The following ELAPOR1 variants were observed in gnomAD, a reference collection of about 807,000 sequenced individuals.
ELAPOR1 encodes endosome/lysosome-associated apoptosis and autophagy regulator 1.
ELAPOR1 carries 77 observed loss-of-function variants against 119.7 expected under a neutral mutation model. The ratio of observed to expected loss-of-function variants is 0.64; its 90% CI spans 0.54 to 0.78. The LOEUF is 0.78. Among genes scored for constraint, ELAPOR1 ranks in the 30% least tolerant of loss-of-function variants. The probability of loss-of-function intolerance (pLI) is 0.00; values close to 1 mark genes in which losing one functional copy is unlikely to be tolerated. For missense variants in ELAPOR1, 1,115 were observed against 1,270.4 expected, an observed-to-expected ratio of 0.88 and a Z score of 1.86; for synonymous variants, 481 against 487.2, an observed-to-expected ratio of 0.99 and a Z score of 0.17.
intron 1 of ELAPOR1, among the ~76,000 whole-genome samples, chr1:109,122,534 G>A (rs1429606591): frequency 3.3e-5 from 5 of 151,758 alleles, no homozygotes; most frequent in South Asian, 2.1e-4. Context: ...GGTGGCCCAC[G>A]CCTGTAGACC....
chr1:109,135,995 T>A (rs1195351832), intron 1 of ELAPOR1, among the ~76,000 whole-genome samples: 1 of 152,106 alleles, frequency 6.6e-6, no homozygotes, highest in Non-Finnish European at 1.5e-5. Context: ...CTGCTTTTCT[T>A]TTCTTTTTTT....
chr1:109,129,682 C>T (rs566049297), intron 1 of ELAPOR1, among the ~76,000 whole-genome samples: 99 of 152,276 alleles, frequency 6.5e-4, no homozygotes, highest in Non-Finnish European at 6.3e-4. Flanking sequence ...CCTCTGGAGA[C>T]GGGCTTCATA....
intron 1 of ELAPOR1, among the ~76,000 whole-genome samples, chr1:109,138,459 A>G (rs1649613565): frequency 1.3e-5 from 2 of 152,042 alleles, no homozygotes; most frequent in African/African-American, 4.8e-5. Context: ...TATGGCTCGG[A>G]GCGCTCATAT....
At chr1:109,132,964 T>A (rs1649240664) in intron 1 of ELAPOR1, among the ~76,000 whole-genome samples, 4 of 152,208 alleles carry the variant, frequency 2.6e-5, no homozygotes, top group African/African-American at 9.6e-5. Flanking sequence ...GTATGGTGGT[T>A]CATGCCTGTA....
chr1:109,150,574 C>T (rs1265217890), intron 1 of ELAPOR1, among the ~76,000 whole-genome samples: 1 of 152,176 alleles, frequency 6.6e-6, no homozygotes, highest in Non-Finnish European at 1.5e-5. Flanking sequence ...TGACCCTATG[C>T]GTCTGCCTCG....
rs749341388 is a variant in ELAPOR1, at chr1:109,188,333, G to T, written c.1198G>T (p.Gly400Cys). The T allele has an allele frequency of 2.2e-5, 36 of 1,613,674 alleles. No individual in the cohort carries two copies. The South Asian group carries it at 3.6e-4, about 16-fold the overall frequency. Residue 400 changes from glycine (G) to cysteine (C), a missense_variant, in exon 9 of 22, where the codon GGT becomes TGT. Transcript: ENST00000369939. ...NNSTCQPCPY[G>C]SYSNGSDCTR... ...CAGCACCTGCCAGCCCTGCCCATATGGTTCCTACTCCAATGGCTCAGGTAA... is the reference window on the plus strand; with the variant it reads ...CAGCACCTGCCAGCCCTGCCCATATTGTTCCTACTCCAATGGCTCAGGTAA...
At chr1:109,165,246 C>T (rs766463647) in intron 3 of ELAPOR1, among the ~76,000 whole-genome samples, 1 of 151,962 alleles carries the variant, frequency 6.6e-6, no homozygotes, top group African/African-American at 2.4e-5. Flanking sequence ...GAGCTATGAC[C>T]GCACCACTGT....
chr1:109,174,484 G>C (rs1287185963), intron 7 of ELAPOR1, among the ~76,000 whole-genome samples: 2 of 139,194 alleles, frequency 1.4e-5, no homozygotes, highest in Non-Finnish European at 3.1e-5. Context: ...CTATCTACCA[G>C]GCCCTATTCT....
At chr1:109,162,106 G>A in intron 2 of ELAPOR1, 92 bp downstream of exon 2, 1 of 1,401,108 alleles carries the variant, frequency 7.1e-7, no homozygotes, top group Non-Finnish European at 9.8e-7. Flanking sequence ...CTTCCTGGCA[G>A]AGCAGCTGCA....
chr1:109,158,566 A>G (rs533600189), intron 1 of ELAPOR1, among the ~76,000 whole-genome samples: 47 of 151,480 alleles, frequency 3.1e-4, no homozygotes, highest in Non-Finnish European at 5.0e-4. Context: ...TCATTTCTAA[A>G]CCCTTCCTTT....
At chr1:109,119,849 G>A (rs1176341084) in intron 1 of ELAPOR1, among the ~76,000 whole-genome samples, 1 of 152,146 alleles carries the variant, frequency 6.6e-6, no homozygotes, top group Admixed American at 6.5e-5. Context: ...GTGGGGTGCT[G>A]GGTTGTGGGT....
chr1:109,198,164 C>A, intron 17 of ELAPOR1, 89 bp downstream of exon 17: 1 of 995,720 alleles, frequency 1.0e-6, no homozygotes, highest in Non-Finnish European at 1.6e-6. Context: ...CCACCTACTG[C>A]TTATCAAGCC....
intron 7 of ELAPOR1, among the ~76,000 whole-genome samples, chr1:109,182,060 G>A (rs1652733291): frequency 6.6e-6 from 1 of 152,156 alleles, no homozygotes. Context: ...GGCTGGGCAT[G>A]GTGGCTCACA....
intron 7 of ELAPOR1, among the ~76,000 whole-genome samples, chr1:109,183,579 TCC>T (rs1491219067): frequency 1.5e-4 from 8 of 53,490 alleles, no homozygotes; most frequent in African/African-American, 2.8e-4. Flanking sequence ...CTTCCTTCCT[TCC>T]TTCCTTCCTT....
intron 1 of ELAPOR1, among the ~76,000 whole-genome samples, chr1:109,120,358 C>T (rs1167180192): frequency 6.6e-6 from 1 of 151,992 alleles, no homozygotes; most frequent in Non-Finnish European, 1.5e-5. Flanking sequence ...GATCACGCCA[C>T]TGTACTCCAG....
rs1380113063 is a variant in ELAPOR1 at position 109,164,603 on chromosome 1, T to A, written c.379T>A (p.Trp127Arg). ...SLGTGIRFDE[W>R]DELPHGFASL... is the part of the protein sequence containing the mutation. ...CGGCACAGGCATTCGGTTTGATGAG[T>A]GGGATGAGCTGCCCCATGGCTTTGC... is the stretch of plus-strand genomic sequence containing the variant. Residue 127 changes from tryptophan to arginine, a missense_variant, in exon 3 of 22, where the codon TGG becomes AGG. Transcript: ENST00000369939. The A allele has an allele frequency of 1.2e-6, 2 of 1,613,958 alleles. No individual in the cohort carries two copies. Among genetic ancestry groups the A allele is most frequent in the Admixed American group, 1.7e-5 (1 of 60,006 alleles).
intron 1 of ELAPOR1, among the ~76,000 whole-genome samples, chr1:109,151,811 C>T (rs1650546417): frequency 6.6e-6 from 1 of 151,586 alleles, no homozygotes; most frequent in African/African-American, 2.4e-5. Flanking sequence ...AAGTCAACAA[C>T]TACCTATTGA....
intron 1 of ELAPOR1, among the ~76,000 whole-genome samples, chr1:109,147,336 C>A (rs1035247550): frequency 1.1e-4 from 16 of 152,048 alleles, no homozygotes; most frequent in Non-Finnish European, 2.2e-4. Flanking sequence ...GTGAAGGAAG[C>A]TGATCTGAAA....
chr1:109,177,243 C>G (rs1197409143), intron 7 of ELAPOR1, among the ~76,000 whole-genome samples: 4 of 146,430 alleles, frequency 2.7e-5, no homozygotes, highest in Non-Finnish European at 6.0e-5. Flanking sequence ...GGCTGACCCC[C>G]CCACCTCCCT....
Sources: gnomAD v4.1 joint callset for allele counts (sites outside exome capture counted in the v4.1 genomes callset) on GRCh38, gnomAD v4.1.1 for gene constraint, MANE v1.5 for transcripts, NCBI Gene and HGNC (gene_info 2026-07-23, HGNC 2026-07-21) for gene names.